MTUS2: variants seen among roughly 807,000 people sequenced by gnomAD.
MTUS2 encodes microtubule-associated tumor suppressor candidate 2.
In MTUS2, 40 loss-of-function variants were observed where a neutral mutation model predicts 114.1. The observed-to-expected ratio is 0.35, with a 90% CI of 0.27 to 0.46. The LOEUF (loss-of-function observed/expected upper bound fraction) is 0.46, where lower values mean the gene tolerates loss of function less well. MTUS2 is among the 20% of genes least tolerant of loss of function. The pLI, the probability that MTUS2 is intolerant of heterozygous loss-of-function variation, is 1.00. For missense variants in MTUS2, 1,679 were observed against 1,705.4 expected (o/e 0.98, Z 0.27); for synonymous variants, 688 against 672.0 (o/e 1.02, Z -0.37).
At chr13:28,865,579 A>G (rs1477999943) in intron 2 of MTUS2, among the ~76,000 whole-genome samples, 1 of 152,220 alleles carries the variant, frequency 6.6e-6, no homozygotes, top group Non-Finnish European at 1.5e-5. Flanking sequence ...TTGTTTTAGC[A>G]TCAAGTATCC....
At chr13:29,023,157 A>G (rs1486373243) in intron 2 of MTUS2, among the ~76,000 whole-genome samples, 1 of 152,178 alleles carries the variant, frequency 6.6e-6, no homozygotes, top group African/African-American at 2.4e-5. Flanking sequence ...TCCACATTCC[A>G]TGCAGATGGA....
At chr13:28,975,878 G>A (rs185444502) in intron 2 of MTUS2, among the ~76,000 whole-genome samples, 91 of 152,276 alleles carry the variant, frequency 6.0e-4, no homozygotes, top group Admixed American at 5.6e-3. Flanking sequence ...GAGCAATGCA[G>A]GATTCCTTCC....
At chr13:28,996,451 T>G (rs1885109783) in intron 2 of MTUS2, among the ~76,000 whole-genome samples, 1 of 152,232 alleles carries the variant, frequency 6.6e-6, no homozygotes, top group African/African-American at 2.4e-5. Context: ...TTCTATTGAT[T>G]GGAATAGTTT....
intron 2 of MTUS2, among the ~76,000 whole-genome samples, chr13:28,862,748 A>G (rs909508864): frequency 2.0e-5 from 3 of 152,228 alleles, no homozygotes; most frequent in Non-Finnish European, 2.9e-5. Context: ...CCAGTCATTG[A>G]AAGTGATCAT....
chr13:28,837,179 T>C (rs1168598052), intron 1 of MTUS2, among the ~76,000 whole-genome samples: 1 of 152,196 alleles, frequency 6.6e-6, no homozygotes, highest in Non-Finnish European at 1.5e-5. Flanking sequence ...AGGGAAAGCT[T>C]TCAAGAATAT....
At chr13:29,131,924 C>T (rs536315063) in intron 5 of MTUS2, among the ~76,000 whole-genome samples, 1 of 152,360 alleles carries the variant, frequency 6.6e-6, no homozygotes, top group East Asian at 1.9e-4. Context: ...GCTGCACTAG[C>T]ATTTAGTGCT....
chr13:29,498,055 T>TGGTGAATCAAGTCGGCCG (rs1416701268), intron 13 of MTUS2, among the ~76,000 whole-genome samples: 1 of 151,838 alleles, frequency 6.6e-6, no homozygotes, highest in Non-Finnish European at 1.5e-5. Flanking sequence ...CCCAGCTACC[T>TGGTGAATCAAGTCGGCCG]GGTGAATCAA....
intron 2 of MTUS2, among the ~76,000 whole-genome samples, chr13:28,874,172 C>T (rs1013565299): frequency 5.9e-5 from 9 of 152,090 alleles, no homozygotes; most frequent in Non-Finnish European, 1.2e-4. Flanking sequence ...CACCCGCCAC[C>T]ATGTCTGGCT....
At chr13:29,168,826 G>A (rs549929121) in intron 5 of MTUS2, among the ~76,000 whole-genome samples, 2 of 151,918 alleles carry the variant, frequency 1.3e-5, no homozygotes, top group East Asian at 3.9e-4. Context: ...TGGCCCCAGG[G>A]GGAGAATGCT....
chr13:29,466,897 GAAAA>G (rs1879933519), intron 9 of MTUS2, among the ~76,000 whole-genome samples: 8 of 123,476 alleles, frequency 6.5e-5, no homozygotes, highest in African/African-American at 1.3e-4. Flanking sequence ...AAAAAAAAAA[GAAAA>G]GAAAGAAAGA....
At chr13:28,869,612 A>C (rs1877500081) in intron 2 of MTUS2, among the ~76,000 whole-genome samples, 1 of 152,130 alleles carries the variant, frequency 6.6e-6, no homozygotes, top group Non-Finnish European at 1.5e-5. Context: ...TCTACTAAAA[A>C]TACAAAAAAT....
At chr13:28,997,231 C>A (rs1389439860) in intron 2 of MTUS2, among the ~76,000 whole-genome samples, 2 of 152,140 alleles carry the variant, frequency 1.3e-5, no homozygotes, top group African/African-American at 4.8e-5. Flanking sequence ...ATCCTGAGTT[C>A]TAGTTTGATT....
intron 6 of MTUS2, chr13:29,306,665 C>A: frequency 4.5e-6 from 1 of 224,480 alleles, no homozygotes; most frequent in Non-Finnish European, 9.2e-6. Context: ...AAAAACATTC[C>A]AGGCTCATGG....
chr13:29,164,858 A>G (rs1377292489), intron 5 of MTUS2, among the ~76,000 whole-genome samples: 1 of 152,266 alleles, frequency 6.6e-6, no homozygotes, highest in African/African-American at 2.4e-5. Context: ...GTAAATGAAA[A>G]AAATGAAATA....
intron 2 of MTUS2, among the ~76,000 whole-genome samples, chr13:29,004,720 T>G (rs1330517022): frequency 6.6e-6 from 1 of 152,236 alleles, no homozygotes; most frequent in African/African-American, 2.4e-5. Flanking sequence ...CAAGCATGTT[T>G]CTTTCAGCAA....
In MTUS2 at chr13:28,834,887, A is replaced by AT. The variant is rs562740521; in HGVS notation, c.-315-4886dup. On this transcript the variant is annotated intron_variant, in intron 1 of 15. Coordinates refer to ENST00000612955, the MANE Select transcript of MTUS2 (RefSeq NM_001033602.4). ...AATTCAACAAAGGATTTGAATTGACATTTTTCCAAAGAAGATATACGAGTG... is the reference window on the plus strand; with the variant it reads ...AATTCAACAAAGGATTTGAATTGACATTTTTTCCAAAGAAGATATACGAGTG... 1.7e-4 allele frequency among the ~76,000 whole-genome samples: 26 copies of AT among 152,298 alleles called. No individual in the cohort carries two copies. In the South Asian group the frequency reaches 4.6e-3, roughly 27 times the overall value.
At chr13:29,150,385 C>A (rs1469893909) in intron 5 of MTUS2, among the ~76,000 whole-genome samples, 1 of 152,014 alleles carries the variant, frequency 6.6e-6, no homozygotes, top group Non-Finnish European at 1.5e-5. Context: ...TTTTGCTTAC[C>A]TTTTAATGAA....
chr13:29,127,242 A>G (rs1377175016), intron 5 of MTUS2, among the ~76,000 whole-genome samples: 1 of 150,538 alleles, frequency 6.6e-6, no homozygotes, highest in African/African-American at 2.5e-5. Context: ...GTCCTTCCAC[A>G]CTCCCTGGAT....
chr13:29,363,795 G>T (rs1295422980), intron 8 of MTUS2, among the ~76,000 whole-genome samples: 1 of 152,056 alleles, frequency 6.6e-6, no homozygotes, highest in African/African-American at 2.4e-5. Flanking sequence ...AGGTAGGGAG[G>T]ATTCAAAAAA....
Sources: gnomAD v4.1 joint callset for allele counts (sites outside exome capture counted in the v4.1 genomes callset) on GRCh38, gnomAD v4.1.1 for gene constraint, MANE v1.5 for transcripts, NCBI Gene and HGNC (gene_info 2026-07-23, HGNC 2026-07-21) for gene names.